Variants in DYNC1LI1 observed in about 807,000 individuals in gnomAD.
The protein encoded by DYNC1LI1 is cytoplasmic dynein 1 light intermediate chain 1.
In DYNC1LI1, 19 loss-of-function variants were observed where a neutral mutation model predicts 63.8. The ratio of observed to expected loss-of-function variants is 0.30; its 90% CI spans 0.21 to 0.44. DYNC1LI1 has a LOEUF of 0.44. Ranked by LOEUF, DYNC1LI1 falls within the 20% of genes least tolerant of loss-of-function variation. DYNC1LI1 has a pLI of 1.00. For synonymous variants in DYNC1LI1, 225 were observed against 232.3 expected, an observed-to-expected ratio of 0.97 and a Z score of 0.28; for missense variants, 565 against 630.2, an observed-to-expected ratio of 0.90 and a Z score of 1.11.
intron 2 of DYNC1LI1, among the ~76,000 whole-genome samples, chr3:32,560,210 G>C (rs1043069493): frequency 6.6e-6 from 1 of 151,952 alleles, no homozygotes; most frequent in Non-Finnish European, 1.5e-5. Flanking sequence ...TGAGGCAGGC[G>C]GATCAACTGA....
chr3:32,543,945 A>G (rs909552684), intron 4 of DYNC1LI1, among the ~76,000 whole-genome samples: 7 of 150,564 alleles, frequency 4.6e-5, no homozygotes, highest in Non-Finnish European at 7.4e-5. Context: ...ACGTGCCTGT[A>G]CTACTCAGGG....
chr3:32,563,354 G>T lies in DYNC1LI1; in HGVS notation c.220+6992C>A, dbSNP rs1055391742. On this transcript the variant is annotated intron_variant, in intron 2 of 12. Transcript: ENST00000273130. The stretch of plus-strand genomic sequence containing the variant: ...CACCCAGGCTGGAGTGCGGTGGCAC[G>T]ATCTCGGCTCACTGCAACCTCCATC... Among the ~76,000 whole-genome samples the T allele has an allele frequency of 1.4e-5, 2 of 147,496 alleles. 1 individual carries two copies. The highest frequency in any genetic ancestry group is 1.4e-4 in the Admixed American group (2 of 14,526).
chr3:32,526,998 A>G (rs1417085515), intron 12 of DYNC1LI1, 90 bp from the exon 13 acceptor site: 1 of 811,012 alleles, frequency 1.2e-6, no homozygotes, highest in Non-Finnish European at 2.0e-6. Flanking sequence ...AAGTCCTAAC[A>G]CTTTCATTAA....
intron 2 of DYNC1LI1, among the ~76,000 whole-genome samples, chr3:32,555,098 G>A (rs1166759295): frequency 2.0e-5 from 3 of 152,018 alleles, no homozygotes; most frequent in South Asian, 2.1e-4. Context: ...TCGAACTCCT[G>A]GCCTCAAGTG....
intron 2 of DYNC1LI1, among the ~76,000 whole-genome samples, chr3:32,557,376 C>T (rs1287949199): frequency 1.3e-5 from 2 of 151,658 alleles, no homozygotes; most frequent in African/African-American, 2.4e-5. Context: ...AAAAAATTAG[C>T]CAGGCATGGT....
intron 2 of DYNC1LI1, among the ~76,000 whole-genome samples, chr3:32,554,911 C>T (rs1025393292): frequency 6.9e-6 from 1 of 145,474 alleles, no homozygotes; most frequent in Admixed American, 7.0e-5. Flanking sequence ...ACTTTGTCAC[C>T]CAGGATGGAG....
intron 2 of DYNC1LI1, among the ~76,000 whole-genome samples, chr3:32,558,403 TAAAAAAAAAAAAA>T (rs533076265): frequency 7.7e-5 from 7 of 90,392 alleles, no homozygotes; most frequent in Admixed American, 3.8e-4. Context: ...TTTAAAAATG[TAAAAAAAAAAAAA>T]AAAAAAAAAG....
intron 2 of DYNC1LI1, among the ~76,000 whole-genome samples, chr3:32,567,025 G>A (rs563446390): frequency 1.6e-4 from 25 of 152,316 alleles, no homozygotes; most frequent in Admixed American, 4.6e-4. Flanking sequence ...AAGTGCCATT[G>A]CAACAGCTGC....
At chr3:32,542,408 AT>A (rs35822448) in intron 4 of DYNC1LI1, among the ~76,000 whole-genome samples, 3,765 of 133,666 alleles carry the variant, frequency 0.028, 149 homozygotes, top group East Asian at 0.21. Context: ...GCTATTTTCA[AT>A]TTTTTTTTTT....
At chr3:32,545,193 A>G (rs909158819) in intron 3 of DYNC1LI1, 87 bp from the exon 4 acceptor site, 10 of 855,822 alleles carry the variant, frequency 1.2e-5, no homozygotes, top group Non-Finnish European at 1.5e-5. Context: ...ATTTTAGTGC[A>G]TCTCCACAGG....
At chr3:32,544,077 T>A (rs960761951) in intron 4 of DYNC1LI1, among the ~76,000 whole-genome samples, 5 of 151,792 alleles carry the variant, frequency 3.3e-5, no homozygotes, top group Non-Finnish European at 7.4e-5. Context: ...AAAATAAAAA[T>A]AAAAAATGTT....
intron 12 of DYNC1LI1, among the ~76,000 whole-genome samples, chr3:32,528,147 A>C (rs765234182): frequency 4.9e-4 from 72 of 147,950 alleles, no homozygotes; most frequent in Non-Finnish European, 7.5e-4. Flanking sequence ...AAAAAAAAGA[A>C]ATGAAATATT....
At chr3:32,532,072 C>T (rs1248088910) in intron 8 of DYNC1LI1, 1 of 152,124 alleles carries the variant, frequency 6.6e-6, no homozygotes, top group East Asian at 1.9e-4. Context: ...CTTTCAGAAA[C>T]ATCTCTATCT....
intron 5 of DYNC1LI1, among the ~76,000 whole-genome samples, chr3:32,540,778 C>T (rs565635383): frequency 6.6e-6 from 1 of 151,712 alleles, no homozygotes; most frequent in South Asian, 2.1e-4. Context: ...ACTGATTGAT[C>T]ATACAATGAA....
chr3:32,567,525 A>ATTTAT (rs1698283354), intron 2 of DYNC1LI1, among the ~76,000 whole-genome samples: 1 of 132,670 alleles, frequency 7.5e-6, no homozygotes, highest in Non-Finnish European at 1.6e-5. Flanking sequence ...TTGGTTTTTT[A>ATTTAT]TTTTATTTAT....
At chr3:32,547,186 T>C (rs1400345381) in intron 2 of DYNC1LI1, among the ~76,000 whole-genome samples, 1 of 152,158 alleles carries the variant, frequency 6.6e-6, no homozygotes, top group Non-Finnish European at 1.5e-5. Context: ...GAGGTTGCAG[T>C]GAGCCAAGAT....
chr3:32,526,720 A>C lies in DYNC1LI1; in HGVS notation c.*79T>G. The C allele has an allele frequency of 9.2e-7, 1 of 1,090,424 alleles. No homozygotes were observed. Among genetic ancestry groups the C allele is most frequent in the Non-Finnish European group, 1.4e-6 (1 of 720,756 alleles). The allele number at this position is 1,090,424 out of a possible 1,614,324, so 67.5% of individuals were successfully genotyped here. The stretch of plus-strand genomic sequence containing the variant: ...ATCTGAAGAAGCACTCCAGCTTTCT[A>C]ATTCCACTTTTGAAGGAAAAGGCAG... On this transcript the variant is annotated 3_prime_UTR_variant, in exon 13 of 13. Transcript: ENST00000273130.
At chr3:32,530,681 T>C in intron 8 of DYNC1LI1, 161 bp from the exon 9 acceptor site, 1 of 621,130 alleles carries the variant, frequency 1.6e-6, no homozygotes, top group Non-Finnish European at 2.8e-6. Context: ...CCCAAGGCCT[T>C]CAGCAGAGGT....
At chr3:32,529,877 T>C (rs375685123) in intron 10 of DYNC1LI1, among the ~76,000 whole-genome samples, 1 of 152,144 alleles carries the variant, frequency 6.6e-6, no homozygotes, top group African/African-American at 2.4e-5. Flanking sequence ...TTTCCTCTCA[T>C]AGAAAATAAA....
Sources: allele counts gnomAD v4.1 joint callset (sites outside exome capture counted in the v4.1 genomes callset), GRCh38; gene constraint gnomAD v4.1.1; transcripts MANE v1.5; gene names NCBI Gene and HGNC (gene_info 2026-07-23, HGNC 2026-07-21).